The following SGCZ variants were observed in gnomAD, a reference collection of about 807,000 sequenced individuals.
SGCZ encodes sarcoglycan zeta.
In SGCZ, 40 loss-of-function variants were observed where a neutral mutation model predicts 41.3. That is an observed-to-expected ratio of 0.97 (90% CI 0.75 to 1.26). The LOEUF (loss-of-function observed/expected upper bound fraction) is 1.26. Ranked by LOEUF, SGCZ falls within the 50% of genes most tolerant of loss-of-function variation. The probability of loss-of-function intolerance (pLI) is 0.00; values close to 1 mark genes in which losing one functional copy is unlikely to be tolerated. For synonymous variants in SGCZ, 206 were observed against 137.5 expected, an observed-to-expected ratio of 1.50 and a Z score of -3.49; for missense variants, 552 against 369.8, an observed-to-expected ratio of 1.49 and a Z score of -4.04.
chr8:14,681,906 T>A (rs78725755), intron 1 of SGCZ, among the ~76,000 whole-genome samples: 2,763 of 152,142 alleles, frequency 0.018, 39 homozygotes, highest in Middle Eastern at 0.037. Context: ...TTATAGCTAA[T>A]GTTTGGTAAG....
At chr8:14,907,601 G>A (rs1472042534) in intron 1 of SGCZ, among the ~76,000 whole-genome samples, 1 of 152,060 alleles carries the variant, frequency 6.6e-6, no homozygotes, top group African/African-American at 2.4e-5. Context: ...CAGCACTTTG[G>A]GAAGCCAAGG....
At chr8:14,912,714 C>T (rs149766102) in intron 1 of SGCZ, among the ~76,000 whole-genome samples, 5 of 152,198 alleles carry the variant, frequency 3.3e-5, no homozygotes, top group African/African-American at 1.2e-4. Flanking sequence ...GGCATATCTA[C>T]AGAGTTTGGC....
At chr8:14,474,852 A>G (rs2116988011) in intron 2 of SGCZ, among the ~76,000 whole-genome samples, 1 of 152,306 alleles carries the variant, frequency 6.6e-6, no homozygotes, top group East Asian at 1.9e-4. Flanking sequence ...GACAGCTTTA[A>G]TCTTGCAAAT....
At chr8:14,701,516 A>G (rs1450746652) in intron 1 of SGCZ, among the ~76,000 whole-genome samples, 2 of 151,934 alleles carry the variant, frequency 1.3e-5, no homozygotes, top group Non-Finnish European at 2.9e-5. Context: ...AATGAAAACA[A>G]CCAGCAATCA....
chr8:14,620,370 T>C (rs1806244207), intron 1 of SGCZ, among the ~76,000 whole-genome samples: 1 of 152,214 alleles, frequency 6.6e-6, no homozygotes, highest in Non-Finnish European at 1.5e-5. Context: ...ATTCAGGTCA[T>C]AGGCATGGAG....
chr8:14,702,418 G>A (rs1222629393), intron 1 of SGCZ, among the ~76,000 whole-genome samples: 1 of 151,824 alleles, frequency 6.6e-6, no homozygotes, highest in Non-Finnish European at 1.5e-5. Context: ...TTACTATAGT[G>A]TATAGATTAT....
At chr8:14,187,738 A>C (rs1237619170) in intron 4 of SGCZ, among the ~76,000 whole-genome samples, 1 of 152,158 alleles carries the variant, frequency 6.6e-6, no homozygotes, top group African/African-American at 2.4e-5. Flanking sequence ...TGTAATAGGA[A>C]TACCGGAGTA....
At chr8:14,553,766 G>T (rs1334042660) in intron 2 of SGCZ, among the ~76,000 whole-genome samples, 1 of 151,924 alleles carries the variant, frequency 6.6e-6, no homozygotes, top group South Asian at 2.1e-4. Context: ...ATACCCAGTG[G>T]GGTTTAAAAA....
chr8:15,192,597 C>T (rs1800579097), intron 1 of SGCZ, among the ~76,000 whole-genome samples: 1 of 152,160 alleles, frequency 6.6e-6, no homozygotes, highest in African/African-American at 2.4e-5. Flanking sequence ...AACGACTAAT[C>T]CAAAGTCTCT....
intron 2 of SGCZ, among the ~76,000 whole-genome samples, chr8:14,542,545 T>G (rs751468740): frequency 2.0e-5 from 3 of 152,136 alleles, no homozygotes; most frequent in Non-Finnish European, 4.4e-5. Flanking sequence ...TTGTCCATCC[T>G]GTTACTTAGA....
intron 2 of SGCZ, among the ~76,000 whole-genome samples, chr8:14,467,435 T>C (rs1156241998): frequency 2.6e-5 from 4 of 152,006 alleles, no homozygotes; most frequent in African/African-American, 4.8e-5. Context: ...CACAAATCTC[T>C]TATATTTGGA....
At chr8:14,517,235 C>A (rs1802649305) in intron 2 of SGCZ, among the ~76,000 whole-genome samples, 1 of 151,980 alleles carries the variant, frequency 6.6e-6, no homozygotes, top group Non-Finnish European at 1.5e-5. Context: ...AAGTAAGTCA[C>A]AAGAACTTAT....
At chr8:15,229,333 T>A (rs1328306635) in intron 1 of SGCZ, among the ~76,000 whole-genome samples, 3 of 152,222 alleles carry the variant, frequency 2.0e-5, no homozygotes, top group African/African-American at 7.2e-5. Context: ...TTATTACCAC[T>A]AATTCTTTAT....
intron 1 of SGCZ, among the ~76,000 whole-genome samples, chr8:15,081,787 A>T (rs1805756960): frequency 6.6e-6 from 1 of 152,188 alleles, no homozygotes; most frequent in African/African-American, 2.4e-5. Context: ...AACTGGATTT[A>T]TCCAGGGTTA....
chr8:15,010,477 G>T (rs975400733), intron 1 of SGCZ, among the ~76,000 whole-genome samples: 1 of 152,046 alleles, frequency 6.6e-6, no homozygotes, highest in Non-Finnish European at 1.5e-5. Context: ...TTACTTTTAT[G>T]TTGGTGGTCA....
At chr8:14,922,160 T>C (rs890711273) in intron 1 of SGCZ, among the ~76,000 whole-genome samples, 1 of 151,904 alleles carries the variant, frequency 6.6e-6, no homozygotes, top group Non-Finnish European at 1.5e-5. Context: ...GAACCAGCTG[T>C]GTAAAAGATG....
chr8:14,794,358 A>G (rs895919420), intron 1 of SGCZ, among the ~76,000 whole-genome samples: 13 of 152,150 alleles, frequency 8.5e-5, no homozygotes, highest in African/African-American at 3.1e-4. Flanking sequence ...AGATGAGAAA[A>G]TATACTGCAG....
chr8:14,440,861 ACACACACACACG>A (rs979004184), intron 2 of SGCZ, among the ~76,000 whole-genome samples: 3 of 151,490 alleles, frequency 2.0e-5, no homozygotes, highest in African/African-American at 7.3e-5. Flanking sequence ...GTACACACAC[ACACACACACACG>A]CACACACATA....
At chr8:14,226,590 T>G (rs1054581623) in intron 4 of SGCZ, among the ~76,000 whole-genome samples, 4 of 152,166 alleles carry the variant, frequency 2.6e-5, no homozygotes, top group Admixed American at 2.0e-4. Flanking sequence ...CACAGTGCAT[T>G]CATCCATTCT....
Sources: allele counts gnomAD v4.1 joint callset (sites outside exome capture counted in the v4.1 genomes callset), GRCh38; gene constraint gnomAD v4.1.1; transcripts MANE v1.5; gene names NCBI Gene and HGNC (gene_info 2026-07-23, HGNC 2026-07-21).